Variants in TRMT10B observed in about 807,000 individuals in gnomAD.
TRMT10B encodes tRNA methyltransferase 10B.
Under a neutral mutation model 43.8 loss-of-function variants are expected in TRMT10B, and 33 were observed. That is an observed-to-expected ratio of 0.75 (90% CI 0.57 to 1.01). The LOEUF (loss-of-function observed/expected upper bound fraction) is 1.01, where lower values mean the gene tolerates loss of function less well. Among genes scored for constraint, TRMT10B ranks in the 50% least tolerant of loss-of-function variants. The pLI is 0.00. For synonymous variants in TRMT10B, 137 were observed against 130.6 expected (o/e 1.05, Z -0.34); for missense variants, 362 against 369.8 (o/e 0.98, Z 0.17).
At chr9:37,769,754 C>T in intron 5 of TRMT10B, 187 bp from the exon 6 acceptor site, 1 of 604,650 alleles carries the variant, frequency 1.7e-6, no homozygotes, top group South Asian at 1.9e-5. Flanking sequence ...GCACATGCCA[C>T]CATGCCTGGC....
At chr9:37,755,474 C>T (rs947729468) in intron 1 of TRMT10B, among the ~76,000 whole-genome samples, 3 of 152,102 alleles carry the variant, frequency 2.0e-5, no homozygotes, top group Non-Finnish European at 2.9e-5. Context: ...ACAGATTGAG[C>T]AGATCTCTGC....
chr9:37,769,412 T>C (rs1453165344), intron 5 of TRMT10B: 2 of 150,342 alleles, frequency 1.3e-5, no homozygotes, highest in African/African-American at 4.9e-5. Flanking sequence ...TCATCTGTAG[T>C]CCTGGAGCAT....
In TRMT10B at chr9:37,777,724, G is replaced by T. The variant is rs1260958846; in HGVS notation, c.*17G>T. ...GTGGAATGATGGGCCTAAGATTGCA[G>T]CTGCGTGGCCAGGTGCTCACGCCGT... On this transcript the variant is annotated 3_prime_UTR_variant, in exon 9 of 9. Coordinates refer to ENST00000297994, the MANE Select transcript of TRMT10B (RefSeq NM_144964.4). 4 of 1,601,686 alleles carry T rather than the reference G, an allele frequency of 2.5e-6. No individual in the cohort carries two copies. Among genetic ancestry groups the T allele is most frequent in the Non-Finnish European group, 3.4e-6 (4 of 1,168,924 alleles).
At chr9:37,761,880 C>A in intron 1 of TRMT10B, 23 bp from the exon 2 acceptor site, 1 of 1,506,464 alleles carries the variant, frequency 6.6e-7, no homozygotes, top group Non-Finnish European at 9.1e-7. Context: ...TGTAATAGCT[C>A]ACATAATTGT....
At chr9:37,754,137 C>T (rs1825322791) in intron 1 of TRMT10B, among the ~76,000 whole-genome samples, 1 of 152,242 alleles carries the variant, frequency 6.6e-6, no homozygotes, top group Admixed American at 6.5e-5. Context: ...TAGCAAAGGT[C>T]TGAGGCCTCT....
chr9:37,755,756 G>GA (rs1825590521), intron 1 of TRMT10B, among the ~76,000 whole-genome samples: 1 of 152,212 alleles, frequency 6.6e-6, no homozygotes, highest in South Asian at 2.1e-4. Flanking sequence ...GAGATTTGGA[G>GA]AAACATGAGG....
chr9:37,761,704 C>A (rs1458357439), intron 1 of TRMT10B, among the ~76,000 whole-genome samples, 199 bp from the exon 2 acceptor site: 1 of 152,170 alleles, frequency 6.6e-6, no homozygotes, highest in African/African-American at 2.4e-5. Context: ...CTCAAACAAA[C>A]AAAACTTCCT....
At chr9:37,757,360 G>A (rs1169488585) in intron 1 of TRMT10B, among the ~76,000 whole-genome samples, 1 of 152,204 alleles carries the variant, frequency 6.6e-6, no homozygotes, top group Non-Finnish European at 1.5e-5. Flanking sequence ...ACAGGCATGA[G>A]CTTCTGCGCC....
At chr9:37,756,725 GATATAT>G (rs140692484) in intron 1 of TRMT10B, among the ~76,000 whole-genome samples, 6 of 147,114 alleles carry the variant, frequency 4.1e-5, no homozygotes, top group East Asian at 2.0e-4. Context: ...ATCTCAAAAA[GATATAT>G]ATATATATAT....
intron 4 of TRMT10B, chr9:37,767,021 G>GA (rs1258614122): frequency 1.6e-4 from 24 of 152,204 alleles, no homozygotes; most frequent in African/African-American, 5.8e-4. Context: ...TCCCAGTTTT[G>GA]ACAGATGTCA....
At position 37,763,609 on chromosome 9, in the gene TRMT10B, TTC is replaced by T; in HGVS notation, c.296-18_296-17del. 2 of 1,604,808 alleles carry T rather than the reference TTC, an allele frequency of 1.2e-6. No individual in the cohort carries two copies. The highest frequency in any genetic ancestry group is 1.7e-6 in the Non-Finnish European group (2 of 1,173,220). ...CCTCTGGTTTTCCACTTTTATTTCT[TTC>T]TGATATTTCTGCTTTAGGCATTTGC... On this transcript the variant is annotated intron_variant, in intron 3 of 8. Transcript: ENST00000297994.
chr9:37,777,740 C>T lies in TRMT10B; in HGVS notation c.*33C>T, dbSNP rs199679803. On this transcript the variant is annotated 3_prime_UTR_variant, in exon 9 of 9. Coordinates refer to ENST00000297994, the MANE Select transcript of TRMT10B (RefSeq NM_144964.4). ...AAGATTGCAGCTGCGTGGCCAGGTG[C>T]TCACGCCGTAATGCCAACACTTTGG... 2.6e-6 allele frequency: 4 copies of T among 1,564,498 alleles called. No homozygotes were observed. Among genetic ancestry groups the T allele is most frequent in the Non-Finnish European group, 3.5e-6 (4 of 1,135,310 alleles).
At chr9:37,771,442 T>C (rs1350762467) in intron 7 of TRMT10B, among the ~76,000 whole-genome samples, 2 of 142,504 alleles carry the variant, frequency 1.4e-5, no homozygotes, top group South Asian at 2.3e-4. Flanking sequence ...ATTTTACATA[T>C]AGGTAGAGGT....
intron 4 of TRMT10B, among the ~76,000 whole-genome samples, chr9:37,767,656 TAA>T (rs1421937438): frequency 1.3e-5 from 2 of 151,772 alleles, no homozygotes; most frequent in Non-Finnish European, 2.9e-5. Context: ...TGATTCAGGG[TAA>T]AAAGTTAAAA....
chr9:37,773,426 T>G (rs1046782824), intron 7 of TRMT10B, among the ~76,000 whole-genome samples: 4 of 152,200 alleles, frequency 2.6e-5, no homozygotes, highest in Non-Finnish European at 5.9e-5. Flanking sequence ...CAGCCCAAAA[T>G]ATGTATTTAT....
At chr9:37,759,659 A>T (rs910344773) in intron 1 of TRMT10B, among the ~76,000 whole-genome samples, 1 of 152,000 alleles carries the variant, frequency 6.6e-6, no homozygotes, top group Non-Finnish European at 1.5e-5. Flanking sequence ...TCTGCTAAAA[A>T]TACAAAAATT....
intron 8 of TRMT10B, among the ~76,000 whole-genome samples, chr9:37,776,962 G>A (rs1828220604): frequency 6.6e-6 from 1 of 151,468 alleles, no homozygotes; most frequent in African/African-American, 2.4e-5. Flanking sequence ...GGGAGGCTGA[G>A]GTGGGCAGAT....
chr9:37,771,603 A>G (rs1490273232), intron 7 of TRMT10B, among the ~76,000 whole-genome samples: 1 of 152,246 alleles, frequency 6.6e-6, no homozygotes, highest in Non-Finnish European at 1.5e-5. Context: ...TACTTACAGA[A>G]GAATGCAGCT....
At chr9:37,759,301 AAAG>A (rs1335580936) in intron 1 of TRMT10B, among the ~76,000 whole-genome samples, 2 of 152,258 alleles carry the variant, frequency 1.3e-5, no homozygotes, top group Non-Finnish European at 2.9e-5. Context: ...CAGCAATAAA[AAAG>A]CAACTACTGA....
Sources: gnomAD v4.1 joint callset for allele counts (sites outside exome capture counted in the v4.1 genomes callset) on GRCh38, gnomAD v4.1.1 for gene constraint, MANE v1.5 for transcripts, NCBI Gene and HGNC (gene_info 2026-07-23, HGNC 2026-07-21) for gene names.